Variants in LRRTM4 observed in about 807,000 individuals in gnomAD.
LRRTM4 encodes leucine rich repeat transmembrane neuronal 4, also known as leucine-rich repeat transmembrane neuronal protein 4.
In LRRTM4, 25 loss-of-function variants were observed where a neutral mutation model predicts 47.6. That is an observed-to-expected ratio of 0.53 (90% CI 0.38 to 0.73). LRRTM4 has a LOEUF of 0.73. Among genes scored for constraint, LRRTM4 ranks in the 30% least tolerant of loss-of-function variants. The pLI, the probability that LRRTM4 is intolerant of heterozygous loss-of-function variation, is 0.00. For synonymous variants in LRRTM4, 311 were observed against 269.5 expected (o/e 1.15, Z -1.51); for missense variants, 638 against 713.4 (o/e 0.89, Z 1.20).
At chr2:76,910,189 C>A (rs1674000255) in intron 3 of LRRTM4, among the ~76,000 whole-genome samples, 1 of 152,076 alleles carries the variant, frequency 6.6e-6, no homozygotes, top group Non-Finnish European at 1.5e-5. Context: ...AGTTTATGTC[C>A]TTTGTAGGGA....
intron 3 of LRRTM4, among the ~76,000 whole-genome samples, chr2:77,141,541 A>T (rs893526801): frequency 6.6e-6 from 1 of 152,184 alleles, no homozygotes; most frequent in Non-Finnish European, 1.5e-5. Flanking sequence ...TAATGGGTGC[A>T]GCACACCAAC....
chr2:76,954,011 G>A (rs964752621), intron 3 of LRRTM4, among the ~76,000 whole-genome samples: 2 of 151,836 alleles, frequency 1.3e-5, no homozygotes, highest in African/African-American at 4.8e-5. Flanking sequence ...ACGTGCACAA[G>A]CCTGGAGAAA....
At chr2:77,183,208 A>T (rs945112735) in intron 3 of LRRTM4, among the ~76,000 whole-genome samples, 2 of 152,190 alleles carry the variant, frequency 1.3e-5, no homozygotes, top group African/African-American at 4.8e-5. Context: ...TAATATCCAG[A>T]ATCTACAATG....
chr2:77,128,147 A>AC (rs1170679722), intron 3 of LRRTM4, among the ~76,000 whole-genome samples: 2 of 151,504 alleles, frequency 1.3e-5, no homozygotes, highest in African/African-American at 4.9e-5. Flanking sequence ...TGTCTCAAAA[A>AC]AAAAAACAAA....
At chr2:76,769,950 A>G (rs1439828021) in intron 3 of LRRTM4, among the ~76,000 whole-genome samples, 6 of 152,206 alleles carry the variant, frequency 3.9e-5, no homozygotes, top group Admixed American at 3.9e-4. Flanking sequence ...AGAAATATAA[A>G]TCATTTATCC....
At chr2:77,258,320 C>G (rs1675825763) in intron 3 of LRRTM4, among the ~76,000 whole-genome samples, 2 of 152,012 alleles carry the variant, frequency 1.3e-5, no homozygotes, top group South Asian at 2.1e-4. Flanking sequence ...TACCATACCA[C>G]AGATCATTGC....
At chr2:77,111,525 G>C (rs1472581316) in intron 3 of LRRTM4, among the ~76,000 whole-genome samples, 1 of 152,028 alleles carries the variant, frequency 6.6e-6, no homozygotes, top group Non-Finnish European at 1.5e-5. Flanking sequence ...GAAATAAACA[G>C]TTCATTAGTT....
At chr2:76,908,180 T>C (rs1403234679) in intron 3 of LRRTM4, among the ~76,000 whole-genome samples, 15 of 149,710 alleles carry the variant, frequency 1.0e-4, no homozygotes, top group African/African-American at 3.7e-4. Flanking sequence ...GATGCAAGGC[T>C]GGTTCAATAT....
At chr2:76,843,358 T>TA (rs1034154404) in intron 3 of LRRTM4, among the ~76,000 whole-genome samples, 3 of 152,178 alleles carry the variant, frequency 2.0e-5, no homozygotes, top group African/African-American at 4.8e-5. Flanking sequence ...TACCCTTTTT[T>TA]AAAAAAAACT....
chr2:77,157,948 G>T (rs1041813173), intron 3 of LRRTM4, among the ~76,000 whole-genome samples: 63 of 152,244 alleles, frequency 4.1e-4, no homozygotes, highest in African/African-American at 1.5e-3. Context: ...AAAAGAAAGG[G>T]ATGGGTGGGA....
At position 77,151,256 on chromosome 2, in the gene LRRTM4, T is replaced by C. The variant is rs554384401; in HGVS notation, c.1551+367062A>G. On this transcript the variant is annotated intron_variant, in intron 3 of 3. Coordinates refer to ENST00000409884, the MANE Select transcript of LRRTM4 (RefSeq NM_001134745.3). ...TAATGGTAAGTACTATGTTGTACAGTAGACTCCTCGAATTTATTCATCTGG... is the reference window on the plus strand; with the variant it reads ...TAATGGTAAGTACTATGTTGTACAGCAGACTCCTCGAATTTATTCATCTGG... 9.9e-5 allele frequency among the ~76,000 whole-genome samples: 15 copies of C among 152,284 alleles called. No homozygotes were observed. The South Asian group carries it at 2.5e-3, about 25-fold the overall frequency.
chr2:76,884,196 T>C (rs1673007868), intron 3 of LRRTM4, among the ~76,000 whole-genome samples: 2 of 152,174 alleles, frequency 1.3e-5, no homozygotes, highest in Admixed American at 6.5e-5. Context: ...TATTTTCTCA[T>C]TGAATTTTCA....
At chr2:77,175,670 C>A (rs1272843617) in intron 3 of LRRTM4, among the ~76,000 whole-genome samples, 1 of 152,166 alleles carries the variant, frequency 6.6e-6, no homozygotes, top group Non-Finnish European at 1.5e-5. Flanking sequence ...CATGGGCCCC[C>A]AGAGTTCAGG....
At chr2:76,909,449 C>T (rs1421734068) in intron 3 of LRRTM4, among the ~76,000 whole-genome samples, 7 of 152,116 alleles carry the variant, frequency 4.6e-5, no homozygotes, top group African/African-American at 1.7e-4. Flanking sequence ...GACTTCATGT[C>T]TAAAACACCA....
chr2:77,260,132 T>A (rs76099858), intron 3 of LRRTM4, among the ~76,000 whole-genome samples: 3 of 152,036 alleles, frequency 2.0e-5, no homozygotes, highest in Non-Finnish European at 2.9e-5. Context: ...AGGTCTTTAC[T>A]AGATTTTTAA....
intron 3 of LRRTM4, among the ~76,000 whole-genome samples, chr2:77,056,868 A>G (rs1679625667): frequency 6.6e-6 from 1 of 152,208 alleles, no homozygotes. Context: ...AACTTCTGCA[A>G]AATTTTGGAA....
In LRRTM4 at chr2:77,030,349, G is replaced by A. The variant is rs138922973; in HGVS notation, c.1552-281433C>T. On this transcript the variant is annotated intron_variant, in intron 3 of 3. Transcript: ENST00000409884. The stretch of plus-strand genomic sequence containing the variant: ...CTCGGGAGGCTGAGGCAGGAGAATC[G>A]CTTGAACTGGGAGGCGGAGGTTGCA... 4.3e-3 allele frequency among the ~76,000 whole-genome samples: 651 copies of A among 152,204 alleles called. 6 individuals are homozygous for A. Among genetic ancestry groups the A allele is most frequent in the African/African-American group, 0.015 (605 of 41,530 alleles).
In LRRTM4 at chr2:76,781,098, C is replaced by T. The variant is rs534413128; in HGVS notation, c.1552-32182G>A. On this transcript the variant is annotated intron_variant, in intron 3 of 3. Transcript: ENST00000409884. ...GGGGTCAGGGACCCACTTGAGGAGG[C>T]AGTCTGCCCATTCTCAGATCTCCAG... 2.2e-4 allele frequency among the ~76,000 whole-genome samples: 34 copies of T among 152,322 alleles called. No homozygotes were observed. The South Asian group carries it at 7.0e-3, about 32-fold the overall frequency.
chr2:77,361,220 C>T (rs182005846), intron 3 of LRRTM4, among the ~76,000 whole-genome samples: 1 of 146,822 alleles, frequency 6.8e-6, no homozygotes, highest in East Asian at 2.1e-4. Context: ...AGCACATGAT[C>T]TCTCCTCCTT....
Sources: allele counts gnomAD v4.1 joint callset (sites outside exome capture counted in the v4.1 genomes callset), GRCh38; gene constraint gnomAD v4.1.1; transcripts MANE v1.5; gene names NCBI Gene and HGNC (gene_info 2026-07-23, HGNC 2026-07-21).